PARD3: variants seen among roughly 807,000 people sequenced by gnomAD.
The protein encoded by PARD3 is par-3 family cell polarity regulator.
In PARD3, 75 loss-of-function variants were observed where a neutral mutation model predicts 155.4. The ratio of observed to expected loss-of-function variants is 0.48; its 90% CI spans 0.40 to 0.58. PARD3 has a LOEUF of 0.58. Among genes scored for constraint, PARD3 ranks in the 20% least tolerant of loss-of-function variants. The pLI is 0.00. For missense variants in PARD3, 1,642 were observed against 1,721.7 expected (o/e 0.95, Z 0.82); for synonymous variants, 576 against 610.5 (o/e 0.94, Z 0.83).
chr10:34,746,368 A>G (rs1835335104), intron 1 of PARD3, among the ~76,000 whole-genome samples: 2 of 152,026 alleles, frequency 1.3e-5, no homozygotes, highest in South Asian at 4.1e-4. Context: ...AGGATTGCCT[A>G]AGCCCAGGAG....
intron 21 of PARD3, among the ~76,000 whole-genome samples, chr10:34,270,496 G>A (rs868078808): frequency 1.3e-5 from 2 of 152,052 alleles, no homozygotes; most frequent in African/African-American, 2.4e-5. Context: ...TTAAAAACTC[G>A]CAAGGAACAG....
chr10:34,342,427 A>G (rs1184589901), intron 15 of PARD3, among the ~76,000 whole-genome samples: 1 of 152,220 alleles, frequency 6.6e-6, no homozygotes, highest in African/African-American at 2.4e-5. Flanking sequence ...TTAGGTTTTA[A>G]ATGGTCAATA....
chr10:34,626,596 A>G (rs900903653), intron 2 of PARD3, among the ~76,000 whole-genome samples: 2 of 152,216 alleles, frequency 1.3e-5, no homozygotes, highest in Non-Finnish European at 1.5e-5. Flanking sequence ...GGCATATATT[A>G]TATCTGTTAT....
At chr10:34,446,967 A>G (rs940012484) in intron 5 of PARD3, among the ~76,000 whole-genome samples, 8 of 152,326 alleles carry the variant, frequency 5.3e-5, no homozygotes, top group African/African-American at 1.4e-4. Context: ...CAAAATCATT[A>G]ATAATTTTAA....
At chr10:34,440,778 A>T (rs1027449878) in intron 5 of PARD3, among the ~76,000 whole-genome samples, 3 of 152,090 alleles carry the variant, frequency 2.0e-5, no homozygotes, top group African/African-American at 7.2e-5. Context: ...CAGGTCCAAA[A>T]GCAAATGAGT....
intron 7 of PARD3, among the ~76,000 whole-genome samples, chr10:34,395,843 CAAAAAAAAAAA>C (rs1173283584): frequency 0.06 from 1,403 of 23,380 alleles, 380 homozygotes; most frequent in Non-Finnish European, 0.06. Context: ...GACTCCGTCT[CAAAAAAAAAAA>C]AAAAAAAAAA....
At chr10:34,289,063 C>G (rs186836160) in intron 20 of PARD3, among the ~76,000 whole-genome samples, 24 of 152,108 alleles carry the variant, frequency 1.6e-4, no homozygotes, top group African/African-American at 5.1e-4. Flanking sequence ...TGGGCTCATG[C>G]CTTCTTCCCA....
At chr10:34,509,300 G>C (rs747794653) in intron 3 of PARD3, among the ~76,000 whole-genome samples, 2 of 151,880 alleles carry the variant, frequency 1.3e-5, no homozygotes, top group Non-Finnish European at 2.9e-5. Flanking sequence ...CAAGCTCTTC[G>C]TGTTCAATAT....
At chr10:34,204,911 A>G (rs757090602) in intron 22 of PARD3, among the ~76,000 whole-genome samples, 2 of 152,200 alleles carry the variant, frequency 1.3e-5, no homozygotes, top group Non-Finnish European at 2.9e-5. Context: ...TTTTATAATC[A>G]TATTAAAGAA....
At chr10:34,425,626 G>A (rs1028741553) in intron 5 of PARD3, among the ~76,000 whole-genome samples, 9 of 152,002 alleles carry the variant, frequency 5.9e-5, no homozygotes, top group African/African-American at 2.2e-4. Context: ...TGAACTCCTG[G>A]GCTCAAATGA....
At chr10:34,259,362 G>T (rs1041908271) in intron 22 of PARD3, among the ~76,000 whole-genome samples, 1 of 152,122 alleles carries the variant, frequency 6.6e-6, no homozygotes, top group Non-Finnish European at 1.5e-5. Flanking sequence ...AGTTCCTTCC[G>T]GAGGCTCGAG....
intron 22 of PARD3, among the ~76,000 whole-genome samples, chr10:34,133,606 T>A (rs1234062901): frequency 6.6e-6 from 1 of 152,222 alleles, no homozygotes; most frequent in South Asian, 2.1e-4. Flanking sequence ...ACTCAGTGTG[T>A]GCCAGGGTTC....
intron 20 of PARD3, among the ~76,000 whole-genome samples, chr10:34,299,507 C>T (rs1442091343): frequency 2.0e-5 from 3 of 152,138 alleles, no homozygotes; most frequent in African/African-American, 7.2e-5. Flanking sequence ...AGGTCTTTTC[C>T]CTTTGCTGAC....
chr10:34,523,061 C>A (rs890572951), intron 2 of PARD3, among the ~76,000 whole-genome samples: 1 of 152,152 alleles, frequency 6.6e-6, no homozygotes, highest in Non-Finnish European at 1.5e-5. Flanking sequence ...TTTGATGACA[C>A]CACTTAAAAT....
At chr10:34,485,094 T>C (rs111652810) in intron 3 of PARD3, among the ~76,000 whole-genome samples, 1,780 of 152,176 alleles carry the variant, frequency 0.012, 31 homozygotes, top group African/African-American at 0.038. Context: ...TCCCAACACT[T>C]TGGGAGGCCA....
intron 22 of PARD3, among the ~76,000 whole-genome samples, chr10:34,232,489 T>A (rs1195630356): frequency 6.6e-6 from 1 of 152,084 alleles, no homozygotes; most frequent in East Asian, 1.9e-4. Flanking sequence ...CAACAACTTA[T>A]CTTCTGAGAT....
At chr10:34,325,770 G>A (rs771770358) in intron 19 of PARD3, among the ~76,000 whole-genome samples, 7 of 152,022 alleles carry the variant, frequency 4.6e-5, no homozygotes, top group South Asian at 4.2e-4. Flanking sequence ...TAGAAGATAC[G>A]CATTCTAAGA....
At chr10:34,634,308 C>A (rs1244538163) in intron 2 of PARD3, among the ~76,000 whole-genome samples, 1 of 152,142 alleles carries the variant, frequency 6.6e-6, no homozygotes, top group Non-Finnish European at 1.5e-5. Flanking sequence ...ACTGGCAGAA[C>A]AGTACGTATA....
In PARD3 at chr10:34,450,359, G is replaced by C. The variant is rs1193982246; in HGVS notation, c.672C>G (p.Ala224=). The change falls in exon 5 of 25, where the codon GCC becomes GCG. Residue 224 remains alanine, a synonymous_variant. Transcript: ENST00000374788. ...GCCACTTGCCCACCATTGGGTGACT[G>C]GCACTCAGAGACGAGCGAGCATTGT... ...QRDNARSSLS[A]SHPMVGKWLE... is the part of the protein sequence containing the mutation. 1 of 1,613,860 alleles carries C rather than the reference G, an allele frequency of 6.2e-7. No individual in the cohort carries two copies. Among genetic ancestry groups the C allele is most frequent in the African/African-American group, 1.3e-5 (1 of 74,902 alleles).
Sources: gnomAD v4.1 joint callset for allele counts (sites outside exome capture counted in the v4.1 genomes callset) on GRCh38, gnomAD v4.1.1 for gene constraint, MANE v1.5 for transcripts, NCBI Gene and HGNC (gene_info 2026-07-23, HGNC 2026-07-21) for gene names.